WDR7: variants seen among roughly 807,000 people sequenced by gnomAD.
The protein encoded by WDR7 is WD repeat-containing protein 7.
A neutral mutation model predicts 169.4 loss-of-function variants in WDR7; 46 were observed. That is an observed-to-expected ratio of 0.27 (90% CI 0.21 to 0.35). The LOEUF (loss-of-function observed/expected upper bound fraction) is 0.35. Ranked by LOEUF, WDR7 falls within the 10% of genes least tolerant of loss-of-function variation. The pLI is 1.00. For synonymous variants in WDR7, 612 were observed against 666.8 expected (o/e 0.92, Z 1.27); for missense variants, 1,534 against 1,859.3 (o/e 0.83, Z 3.22).
intron 21 of WDR7, among the ~76,000 whole-genome samples, chr18:56,922,166 G>A (rs1301446898): frequency 6.6e-6 from 1 of 152,140 alleles, no homozygotes; most frequent in East Asian, 1.9e-4. Flanking sequence ...TAGATAACTA[G>A]ACATTTTGAA....
At chr18:56,759,282 A>G (rs2043946712) in intron 16 of WDR7, among the ~76,000 whole-genome samples, 1 of 152,198 alleles carries the variant, frequency 6.6e-6, no homozygotes, top group African/African-American at 2.4e-5. Context: ...TTTAAACTAC[A>G]TTTATAAATG....
At chr18:56,743,842 G>C (rs2043658254) in intron 14 of WDR7, among the ~76,000 whole-genome samples, 1 of 152,146 alleles carries the variant, frequency 6.6e-6, no homozygotes, top group Non-Finnish European at 1.5e-5. Flanking sequence ...ATTGATAATT[G>C]ATGAAGCTAG....
intron 16 of WDR7, among the ~76,000 whole-genome samples, chr18:56,771,294 G>A (rs1046012301): frequency 3.3e-5 from 5 of 152,100 alleles, no homozygotes; most frequent in African/African-American, 1.2e-4. Flanking sequence ...ATGGTTTCTT[G>A]TAACGTTTGG....
chr18:56,706,213 G>A (rs1430051611), intron 12 of WDR7, among the ~76,000 whole-genome samples: 2 of 152,162 alleles, frequency 1.3e-5, no homozygotes, highest in East Asian at 3.9e-4. Context: ...AAATGAAAAT[G>A]GATGATAACA....
chr18:56,794,936 C>T (rs886713772), intron 19 of WDR7, among the ~76,000 whole-genome samples: 4 of 152,062 alleles, frequency 2.6e-5, no homozygotes, highest in Non-Finnish European at 5.9e-5. Flanking sequence ...CCTTTCTTTT[C>T]ATTAGAGTAG....
At chr18:56,851,799 G>A (rs1568231035) in intron 20 of WDR7, among the ~76,000 whole-genome samples, 3 of 152,162 alleles carry the variant, frequency 2.0e-5, no homozygotes, top group African/African-American at 4.8e-5. Context: ...CAGTATTAAA[G>A]TTTAACATAT....
At chr18:56,917,445 C>T (rs1015468875) in intron 21 of WDR7, among the ~76,000 whole-genome samples, 2 of 152,082 alleles carry the variant, frequency 1.3e-5, no homozygotes, top group Non-Finnish European at 2.9e-5. Flanking sequence ...ATAAATGTAG[C>T]GTGCGTTAAT....
chr18:56,988,473 A>T (rs1430613759), intron 26 of WDR7, among the ~76,000 whole-genome samples: 1 of 152,126 alleles, frequency 6.6e-6, no homozygotes, highest in African/African-American at 2.4e-5. Flanking sequence ...TAAACCCATA[A>T]GCTTTTATTT....
At chr18:56,807,523 GAAAT>G (rs2044796461) in intron 19 of WDR7, among the ~76,000 whole-genome samples, 1 of 152,024 alleles carries the variant, frequency 6.6e-6, no homozygotes, top group African/African-American at 2.4e-5. Context: ...TTGGGAAAGA[GAAAT>G]AATAAAGCTT....
intron 21 of WDR7, among the ~76,000 whole-genome samples, chr18:56,916,292 G>A (rs985712140): frequency 5.8e-5 from 8 of 137,048 alleles, no homozygotes; most frequent in East Asian, 2.4e-4. Context: ...GACAGGTCCC[G>A]GTGTGTGATG....
At chr18:56,884,754 G>C (rs2046162818) in intron 21 of WDR7, among the ~76,000 whole-genome samples, 1 of 152,154 alleles carries the variant, frequency 6.6e-6, no homozygotes, top group Non-Finnish European at 1.5e-5. Context: ...GAGCTCTAGG[G>C]CCCTACCCAC....
chr18:56,814,185 G>A (rs1387863962), intron 19 of WDR7, among the ~76,000 whole-genome samples: 1 of 152,090 alleles, frequency 6.6e-6, no homozygotes, highest in Non-Finnish European at 1.5e-5. Context: ...AAATGTAAAT[G>A]GATCCATAAA....
At chr18:56,684,998 C>T (rs2025417430) in intron 5 of WDR7, among the ~76,000 whole-genome samples, 2 of 152,084 alleles carry the variant, frequency 1.3e-5, no homozygotes, top group Non-Finnish European at 1.5e-5. Context: ...TGTGACCAAG[C>T]GGTTTGCCTA....
At chr18:56,695,301 G>A in intron 11 of WDR7, 103 bp downstream of exon 11, 1 of 1,443,108 alleles carries the variant, frequency 6.9e-7, no homozygotes, top group South Asian at 1.4e-5. Flanking sequence ...GTGAATCAGT[G>A]TAGTTAGTTG....
chr18:56,995,809 C>G (rs1399552774), intron 26 of WDR7, among the ~76,000 whole-genome samples: 8 of 152,202 alleles, frequency 5.3e-5, no homozygotes, highest in Admixed American at 3.9e-4. Flanking sequence ...AGCGTCAGCT[C>G]TCTGAGCTTG....
chr18:56,691,696 G>T lies in WDR7; in HGVS notation c.864-19G>T. 1 of 1,592,922 alleles carries T rather than the reference G, an allele frequency of 6.3e-7. No homozygotes were observed. The highest frequency in any genetic ancestry group is 8.6e-7 in the Non-Finnish European group (1 of 1,168,958). ...AATGTCAGTATTTTAATTGAATATTGTATTTTTCCCATATTCAGTTGCCTT... is the reference window on the plus strand; with the variant it reads ...AATGTCAGTATTTTAATTGAATATTTTATTTTTCCCATATTCAGTTGCCTT... On this transcript the variant is annotated intron_variant, in intron 8 of 27. Transcript: ENST00000254442.
rs745747433 is a variant in WDR7, at chr18:56,691,779, C to T, written c.928C>T (p.Pro310Ser). The change falls in exon 9 of 28, where the codon CCT becomes TCT. Residue 310 changes from proline to serine, a missense_variant. Transcript: ENST00000254442. ...GAAGGCAGTTGAAAATTTAATTCCT[C>T]CTGTACAACATATCCTCTTGGATCG... Reference protein sequence around the residue: ...VGKAVENLIPPVQHILLDRKD... With the variant: ...VGKAVENLIPSVQHILLDRKD... 12 of 1,612,276 alleles carry T rather than the reference C, an allele frequency of 7.4e-6. No individual in the cohort carries two copies. Among genetic ancestry groups the T allele is most frequent in the African/African-American group, 1.3e-5 (1 of 74,850 alleles).
At chr18:56,773,262 G>A (rs996676994) in intron 16 of WDR7, among the ~76,000 whole-genome samples, 12 of 152,068 alleles carry the variant, frequency 7.9e-5, no homozygotes, top group Non-Finnish European at 1.6e-4. Context: ...ATGCTAAAGG[G>A]TAGCATTGTA....
chr18:56,665,241 C>T (rs1331810486), intron 1 of WDR7, among the ~76,000 whole-genome samples: 6 of 150,036 alleles, frequency 4.0e-5, no homozygotes, highest in Non-Finnish European at 8.9e-5. Context: ...TGCAATGAGC[C>T]GAGATTGCAC....
Sources: gnomAD v4.1 joint callset for allele counts (sites outside exome capture counted in the v4.1 genomes callset) on GRCh38, gnomAD v4.1.1 for gene constraint, MANE v1.5 for transcripts, NCBI Gene and HGNC (gene_info 2026-07-23, HGNC 2026-07-21) for gene names.